The following BCKDHB variants were observed in gnomAD, a reference collection of about 807,000 sequenced individuals.
BCKDHB encodes the protein 2-oxoisovalerate dehydrogenase subunit beta, mitochondrial.
Under a neutral mutation model 48.5 loss-of-function variants are expected in BCKDHB, and 41 were observed. That is an observed-to-expected ratio of 0.85 (90% CI 0.66 to 1.10). The LOEUF (loss-of-function observed/expected upper bound fraction) is 1.10. Among genes scored for constraint, BCKDHB ranks in the 50% least tolerant of loss-of-function variants. The pLI is 0.00. For synonymous variants in BCKDHB, 201 were observed against 174.8 expected (o/e 1.15, Z -1.18); for missense variants, 496 against 494.2 (o/e 1.00, Z -0.03).
At chr6:80,267,948 C>G (rs968089536) in intron 8 of BCKDHB, among the ~76,000 whole-genome samples, 2 of 152,006 alleles carry the variant, frequency 1.3e-5, no homozygotes, top group Non-Finnish European at 2.9e-5. Flanking sequence ...TTTACACTTT[C>G]CTACAATACT....
chr6:80,177,068 A>G (rs1582292145), intron 6 of BCKDHB, among the ~76,000 whole-genome samples: 1 of 151,822 alleles, frequency 6.6e-6, no homozygotes, highest in East Asian at 1.9e-4. Context: ...CTACACAAAA[A>G]ATGCAAAATG....
At chr6:80,150,550 CT>C (rs758701261) in intron 3 of BCKDHB, among the ~76,000 whole-genome samples, 13,687 of 105,340 alleles carry the variant, frequency 0.13, 666 homozygotes, top group African/African-American at 0.28. Flanking sequence ...AGTTTGTCAT[CT>C]TTTTTTTTTT....
intron 1 of BCKDHB, among the ~76,000 whole-genome samples, chr6:80,107,107 C>A (rs1681478519): frequency 6.6e-6 from 1 of 151,692 alleles, no homozygotes; most frequent in Non-Finnish European, 1.5e-5. Context: ...CCCCCTCCCC[C>A]GCAACTTTGA....
the BCKDHB span, among the ~76,000 whole-genome samples, chr6:80,368,451 A>G: frequency 2.0e-5 from 3 of 152,160 alleles, no homozygotes; most frequent in Admixed American, 2.0e-4. Context: ...GATTTCCCAT[A>G]TCCTTATTTC....
At chr6:80,433,687 C>T in the BCKDHB span, among the ~76,000 whole-genome samples, 2 of 151,810 alleles carry the variant, frequency 1.3e-5, no homozygotes, top group African/African-American at 2.4e-5. Flanking sequence ...GTCTCATTGG[C>T]ATTCCAGGAG....
At chr6:80,348,079 G>C (rs1023852213), downstream of BCKDHB, among the ~76,000 whole-genome samples, 1 of 151,890 alleles carries the variant, frequency 6.6e-6, no homozygotes, top group African/African-American at 2.4e-5. Flanking sequence ...GCAACTAATG[G>C]AATAGCTAAC....
At chr6:80,184,755 G>A (rs935997356) in intron 6 of BCKDHB, among the ~76,000 whole-genome samples, 2 of 152,154 alleles carry the variant, frequency 1.3e-5, no homozygotes, top group African/African-American at 4.8e-5. Context: ...GGAGGCTAAA[G>A]ATAGGACCCT....
intron 8 of BCKDHB, among the ~76,000 whole-genome samples, chr6:80,205,609 T>C (rs138067717): frequency 1.4e-4 from 21 of 152,172 alleles, no homozygotes; most frequent in South Asian, 2.1e-4. Flanking sequence ...AGCAGAGTCT[T>C]TGACTGTTGC....
chr6:80,387,170 G>T, the BCKDHB span, among the ~76,000 whole-genome samples: 1 of 152,142 alleles, frequency 6.6e-6, no homozygotes, highest in African/African-American at 2.4e-5. Context: ...TGGGGTTTTA[G>T]CTCAGCTCTG....
intron 6 of BCKDHB, 119 bp from the exon 7 acceptor site, chr6:80,200,815 A>G: frequency 1.2e-6 from 1 of 804,866 alleles, no homozygotes; most frequent in Non-Finnish European, 2.0e-6. Context: ...AGTAATACAG[A>G]ATTTAGAGAA....
chr6:80,129,282 C>A (rs1770506357), intron 3 of BCKDHB, 53 bp downstream of exon 3: 2 of 1,455,576 alleles, frequency 1.4e-6, no homozygotes, highest in South Asian at 2.4e-5. Flanking sequence ...ACTAAAAGAT[C>A]TTAAAAATAC....
intron 3 of BCKDHB, among the ~76,000 whole-genome samples, chr6:80,144,217 G>A (rs1417961955): frequency 6.6e-6 from 1 of 152,138 alleles, no homozygotes; most frequent in African/African-American, 2.4e-5. Context: ...TCTAAATTAA[G>A]CATTGATAGG....
intron 9 of BCKDHB, among the ~76,000 whole-genome samples, chr6:80,293,162 TG>T (rs1213012995): frequency 6.6e-6 from 1 of 152,200 alleles, no homozygotes; most frequent in Non-Finnish European, 1.5e-5. Context: ...AGCACCCCAG[TG>T]GGGACTCTGT....
chr6:80,343,431 AATAGATAT>A (rs1323084629), intron 9 of BCKDHB: 2 of 558,572 alleles, frequency 3.6e-6, no homozygotes, highest in African/African-American at 3.8e-5. Flanking sequence ...TGGCTTAGAC[AATAGATAT>A]ATATACAGGT....
downstream of BCKDHB, among the ~76,000 whole-genome samples, chr6:80,348,827 C>G (rs939193298): frequency 2.0e-5 from 3 of 152,024 alleles, no homozygotes; most frequent in Admixed American, 2.0e-4. Flanking sequence ...TAAACTTGGG[C>G]CATCAGGTTT....
chr6:80,311,754 C>G (rs986566774), intron 9 of BCKDHB, among the ~76,000 whole-genome samples: 1 of 152,082 alleles, frequency 6.6e-6, no homozygotes, highest in African/African-American at 2.4e-5. Context: ...GGTTCTATTT[C>G]TGGGTTCTCT....
intron 1 of BCKDHB, among the ~76,000 whole-genome samples, chr6:80,116,918 A>G (rs1275684353): frequency 6.6e-6 from 1 of 152,212 alleles, no homozygotes; most frequent in African/African-American, 2.4e-5. Context: ...AAGTAGGTTT[A>G]TCTTACTATG....
intron 8 of BCKDHB, among the ~76,000 whole-genome samples, chr6:80,271,508 T>C (rs1777740168): frequency 6.6e-6 from 1 of 152,136 alleles, no homozygotes; most frequent in African/African-American, 2.4e-5. Context: ...CTTGTTTGCT[T>C]TCAGGGATTA....
intron 6 of BCKDHB, among the ~76,000 whole-genome samples, chr6:80,178,572 T>A (rs1302594348): frequency 6.6e-6 from 1 of 152,218 alleles, no homozygotes; most frequent in Admixed American, 6.5e-5. Flanking sequence ...TGTGTGTACC[T>A]GCCTAGTCTT....
Sources: gnomAD v4.1 joint callset for allele counts (sites outside exome capture counted in the v4.1 genomes callset) on GRCh38, gnomAD v4.1.1 for gene constraint, MANE v1.5 for transcripts, NCBI Gene and HGNC (gene_info 2026-07-23, HGNC 2026-07-21) for gene names.